GLT1D1: variants seen among roughly 807,000 people sequenced by gnomAD.
The protein encoded by GLT1D1 is glycosyltransferase 1 domain containing 1.
GLT1D1 carries 21 observed loss-of-function variants against 28.7 expected under a neutral mutation model. The observed-to-expected ratio is 0.73, with a 90% CI of 0.52 to 1.05. The LOEUF (loss-of-function observed/expected upper bound fraction) is 1.05. Among genes scored for constraint, GLT1D1 ranks in the 50% least tolerant of loss-of-function variants. The pLI is 0.00. For synonymous variants in GLT1D1, 147 were observed against 124.8 expected (o/e 1.18, Z -1.19); for missense variants, 343 against 330.6 (o/e 1.04, Z -0.29).
intron 2 of GLT1D1, among the ~76,000 whole-genome samples, chr12:128,888,212 CCT>C (rs1249218017): frequency 1.3e-5 from 2 of 152,122 alleles, no homozygotes; most frequent in Non-Finnish European, 2.9e-5. Context: ...CTCTCTCTCC[CCT>C]GTTGTTGTCC....
chr12:128,912,591 C>A (rs896972044), intron 4 of GLT1D1, 131 bp downstream of exon 5: 5 of 352,832 alleles, frequency 1.4e-5, no homozygotes, highest in African/African-American at 2.1e-5. Context: ...TTAAGAGACA[C>A]ATATTGAGAT....
chr12:128,874,534 G>A (rs1272529671), intron 1 of GLT1D1, among the ~76,000 whole-genome samples: 1 of 146,782 alleles, frequency 6.8e-6, no homozygotes, highest in Non-Finnish European at 1.5e-5. Flanking sequence ...CTAGGCTGGA[G>A]TACAGTGGCA....
intron 4 of GLT1D1, among the ~76,000 whole-genome samples, chr12:128,929,230 C>T (rs1192499010): frequency 6.6e-6 from 1 of 152,232 alleles, no homozygotes; most frequent in Non-Finnish European, 1.5e-5. Flanking sequence ...TGTTGTTCGT[C>T]AGCCTCTGCT....
At chr12:128,965,788 G>A (rs571169088) in intron 7 of GLT1D1, among the ~76,000 whole-genome samples, 3 of 151,918 alleles carry the variant, frequency 2.0e-5, no homozygotes, top group African/African-American at 7.2e-5. Context: ...CCAGCTACTG[G>A]GGAGGCTGAG....
chr12:128,868,529 A>G (rs1397395313), intron 1 of GLT1D1, among the ~76,000 whole-genome samples: 1 of 152,232 alleles, frequency 6.6e-6, no homozygotes, highest in Non-Finnish European at 1.5e-5. Context: ...CTGAAGATGT[A>G]GAGGACTAAC....
At chr12:128,919,172 C>T (rs1872402392) in intron 4 of GLT1D1, among the ~76,000 whole-genome samples, 1 of 152,146 alleles carries the variant, frequency 6.6e-6, no homozygotes, top group Admixed American at 6.5e-5. Context: ...TCCTCATCAA[C>T]CTTACTCTAT....
intron 4 of GLT1D1, chr12:128,930,226 G>T (rs1328043963): frequency 3.9e-5 from 6 of 152,120 alleles, no homozygotes; most frequent in Admixed American, 3.9e-4. Context: ...TCATTTTTCT[G>T]TTTGAAGAAC....
chr12:128,924,697 TC>T (rs1460597601), intron 4 of GLT1D1, among the ~76,000 whole-genome samples: 1 of 152,114 alleles, frequency 6.6e-6, no homozygotes, highest in Non-Finnish European at 1.5e-5. Flanking sequence ...CCTCAAGTGA[TC>T]CTGGTGAGCC....
chr12:128,947,246 G>A, intron 5 of GLT1D1, 92 bp from the exon 10 acceptor site: 1 of 1,439,202 alleles, frequency 6.9e-7, no homozygotes, highest in Non-Finnish European at 9.7e-7. Context: ...CTGATCTAGA[G>A]TATTACACCC....
chr12:128,945,188 G>A lies in GLT1D1; in HGVS notation c.376-138G>A, dbSNP rs567103045. On this transcript the variant is annotated intron_variant, in intron 4 of 7. Transcript: ENST00000281703. Reference sequence around the variant, plus strand: ...GCCCCCATGATCACCACACGCAGCAGCCGCGAGGACACCCCCGTGGCCGCA... The same window carrying A: ...GCCCCCATGATCACCACACGCAGCAACCGCGAGGACACCCCCGTGGCCGCA... 1.0e-4 allele frequency: 89 copies of A among 855,004 alleles called. No individual in the cohort carries two copies. In the East Asian group the frequency reaches 1.9e-3, roughly 18 times the overall value. 53.0% of individuals were successfully genotyped at this position (855,004 alleles called of 1,614,324 possible).
intron 4 of GLT1D1, among the ~76,000 whole-genome samples, chr12:128,904,623 CTTTTTTTTTTTTTTTTT>C (rs59189244): frequency 0.42 from 59,289 of 139,592 alleles, 12,681 homozygotes; most frequent in East Asian, 0.52. Flanking sequence ...TGAAAACAGT[CTTTTTTTTTTTTTTTTT>C]TTTTTTTTTT....
intron 4 of GLT1D1, among the ~76,000 whole-genome samples, chr12:128,905,196 C>T (rs759549890): frequency 3.6e-4 from 55 of 152,208 alleles, no homozygotes; most frequent in Non-Finnish European, 6.5e-4. Flanking sequence ...CACTATATGT[C>T]ATCAATATGA....
intron 7 of GLT1D1, among the ~76,000 whole-genome samples, chr12:128,968,812 G>A (rs369907476): frequency 7.9e-5 from 12 of 152,030 alleles, no homozygotes; most frequent in African/African-American, 2.2e-4. Flanking sequence ...CCCTTGCCTC[G>A]GGCCACTTGG....
At chr12:128,888,495 G>A in intron 2 of GLT1D1, 144 bp from the exon 3 acceptor site, 1 of 613,902 alleles carries the variant, frequency 1.6e-6, no homozygotes, top group South Asian at 2.0e-5. Flanking sequence ...CTGCTATCCA[G>A]GAGAGGTGGA....
At chr12:128,904,726 C>T (rs964892730) in intron 4 of GLT1D1, among the ~76,000 whole-genome samples, 12 of 150,180 alleles carry the variant, frequency 8.0e-5, no homozygotes, top group African/African-American at 1.5e-4. Context: ...CTGCGGCTCC[C>T]GGATTCAAGC....
chr12:128,910,309 A>G (rs1420943839), intron 4 of GLT1D1, among the ~76,000 whole-genome samples: 1 of 146,440 alleles, frequency 6.8e-6, no homozygotes, highest in Non-Finnish European at 1.5e-5. Flanking sequence ...GTTTCTTGAC[A>G]GGAACATTTT....
chr12:128,916,191 T>C (rs1203381601), intron 4 of GLT1D1, among the ~76,000 whole-genome samples: 1 of 152,254 alleles, frequency 6.6e-6, no homozygotes, highest in Non-Finnish European at 1.5e-5. Context: ...TGTGTATCTG[T>C]AGACCTTTTT....
chr12:128,959,413 G>C (rs1877665549), intron 7 of GLT1D1, among the ~76,000 whole-genome samples: 1 of 87,274 alleles, frequency 1.1e-5, no homozygotes, highest in African/African-American at 4.0e-5. Flanking sequence ...TGAGGCAGTG[G>C]GGGGGGACGG....
intron 7 of GLT1D1, among the ~76,000 whole-genome samples, chr12:128,959,421 C>T (rs56396305): frequency 2.0e-4 from 2 of 9,940 alleles, no homozygotes; most frequent in Non-Finnish European, 3.4e-4. Context: ...TGGGGGGGGA[C>T]GGGTGGGGAG....
Sources: allele counts gnomAD v4.1 joint callset (sites outside exome capture counted in the v4.1 genomes callset), GRCh38; gene constraint gnomAD v4.1.1; transcripts MANE v1.5; gene names NCBI Gene and HGNC (gene_info 2026-07-23, HGNC 2026-07-21).